CFAP161: variants seen among roughly 807,000 people sequenced by gnomAD.
CFAP161 encodes the protein cilia and flagella associated protein 161.
In CFAP161, 25 loss-of-function variants were observed where a neutral mutation model predicts 29.0. The ratio of observed to expected loss-of-function variants is 0.86; its 90% CI spans 0.63 to 1.20. The LOEUF (loss-of-function observed/expected upper bound fraction) is 1.20. Ranked by LOEUF, CFAP161 falls within the 50% of genes most tolerant of loss-of-function variation. The probability of loss-of-function intolerance (pLI) is 0.00; values close to 1 mark genes in which losing one functional copy is unlikely to be tolerated. For synonymous variants in CFAP161, 116 were observed against 137.4 expected, an observed-to-expected ratio of 0.84 and a Z score of 1.09; for missense variants, 367 against 371.9, an observed-to-expected ratio of 0.99 and a Z score of 0.11.
chr15:81,143,878 T>G, intron 5 of CFAP161, 58 bp downstream of exon 5: 1 of 1,564,550 alleles, frequency 6.4e-7, no homozygotes, highest in Non-Finnish European at 8.7e-7. Context: ...TGCAATTTAT[T>G]CCTGTCTATA....
chr15:81,104,228 C>A (rs1894335644), intron 1 of CFAP161, among the ~76,000 whole-genome samples: 1 of 152,202 alleles, frequency 6.6e-6, no homozygotes, highest in South Asian at 2.1e-4. Flanking sequence ...TAGAATTCAG[C>A]ATGGAAAACA....
chr15:81,129,425 C>T (rs1183207655), upstream of CFAP161, among the ~76,000 whole-genome samples: 1 of 152,118 alleles, frequency 6.6e-6, no homozygotes, highest in Non-Finnish European at 1.5e-5. Context: ...GTGAAAGGCA[C>T]ATCTCACATG....
At chr15:81,139,322 TAAAAAG>T (rs1894865820) in intron 4 of CFAP161, among the ~76,000 whole-genome samples, 1 of 151,646 alleles carries the variant, frequency 6.6e-6, no homozygotes, top group Non-Finnish European at 1.5e-5. Context: ...AAATAAAAAA[TAAAAAG>T]AAGAAGAAAC....
intron 2 of CFAP161, among the ~76,000 whole-genome samples, chr15:81,128,417 A>G (rs1435849087): frequency 1.3e-5 from 2 of 152,226 alleles, no homozygotes; most frequent in Admixed American, 6.5e-5. Flanking sequence ...TATCTTCACC[A>G]GGAGTAGATT....
intron 5 of CFAP161, among the ~76,000 whole-genome samples, chr15:81,145,800 A>C (rs1407067488): frequency 6.6e-6 from 1 of 152,230 alleles, no homozygotes; most frequent in Non-Finnish European, 1.5e-5. Flanking sequence ...ACCATGGGGA[A>C]GCATGAAAGA....
At chr15:81,131,971 C>A (rs939832234), upstream of CFAP161, among the ~76,000 whole-genome samples, 2 of 152,136 alleles carry the variant, frequency 1.3e-5, no homozygotes, top group African/African-American at 4.8e-5. Context: ...TAGCTGATTT[C>A]TCATCAGAAA....
chr15:81,120,869 A>G (rs968639006), intron 1 of CFAP161, among the ~76,000 whole-genome samples: 2 of 152,222 alleles, frequency 1.3e-5, no homozygotes, highest in Admixed American at 6.5e-5. Flanking sequence ...AGATAAACTA[A>G]TTAGATATCT....
At chr15:81,125,380 A>T (rs1160717866) in intron 1 of CFAP161, among the ~76,000 whole-genome samples, 2 of 152,284 alleles carry the variant, frequency 1.3e-5, no homozygotes, top group Non-Finnish European at 1.5e-5. Flanking sequence ...AACTGACAAT[A>T]TTAAAGTCTT....
upstream of CFAP161, chr15:81,134,129 A>G (rs1037201212): frequency 8.7e-6 from 5 of 571,864 alleles, no homozygotes; most frequent in African/African-American, 5.7e-5. Flanking sequence ...AAGAGGTGGA[A>G]GTGGGGCGGG....
At chr15:81,100,603 T>G (rs1894291804) in intron 1 of CFAP161, among the ~76,000 whole-genome samples, 1 of 152,140 alleles carries the variant, frequency 6.6e-6, no homozygotes, top group African/African-American at 2.4e-5. Context: ...TCCTTTATCC[T>G]TGAAATAAAA....
In CFAP161 at chr15:81,136,727, G is replaced by A; in HGVS notation, c.371G>A (p.Arg124Lys). The A allele has an allele frequency of 6.2e-7, 1 of 1,613,686 alleles. No individual in the cohort carries two copies. Among genetic ancestry groups the A allele is most frequent in the Non-Finnish European group, 8.5e-7 (1 of 1,179,672 alleles). ...GTTCAAGCCAAGACCCCAATTGGCA[G>A]AAACACTTTTATCATTTTGAGGTAA... Reference protein sequence around the residue: ...SAVQAKTPIGRNTFIILSVHR... With the variant: ...SAVQAKTPIGKNTFIILSVHR... Residue 124 changes from arginine to lysine, a missense_variant, in exon 3 of 7, where the codon AGA becomes AAA. By Grantham distance (26) the Arg-to-Lys change is conservative (BLOSUM62 2). Coordinates refer to ENST00000286732, the MANE Select transcript of CFAP161 (RefSeq NM_173528.4).
chr15:81,129,949 T>G (rs1176087858), upstream of CFAP161, among the ~76,000 whole-genome samples: 2 of 151,586 alleles, frequency 1.3e-5, no homozygotes, highest in African/African-American at 4.9e-5. Flanking sequence ...GTAAGGCTTT[T>G]TTTTTTTTTT....
At chr15:81,107,580 C>A (rs1000417581) in intron 1 of CFAP161, among the ~76,000 whole-genome samples, 3 of 152,086 alleles carry the variant, frequency 2.0e-5, no homozygotes, top group Non-Finnish European at 4.4e-5. Context: ...ACAAAATTAG[C>A]CAGGTGTAGT....
At chr15:81,145,120 G>C (rs1894985556) in intron 5 of CFAP161, among the ~76,000 whole-genome samples, 2 of 152,212 alleles carry the variant, frequency 1.3e-5, no homozygotes, top group African/African-American at 4.8e-5. Flanking sequence ...GGGTTCGCTT[G>C]CTACTGGCCA....
chr15:81,143,232 G>C (rs1253159177), intron 4 of CFAP161, among the ~76,000 whole-genome samples: 1 of 152,156 alleles, frequency 6.6e-6, no homozygotes, highest in African/African-American at 2.4e-5. Flanking sequence ...AGGATCACTT[G>C]AGCCCAGGAG....
chr15:81,105,525 C>A (rs924904177), intron 1 of CFAP161, among the ~76,000 whole-genome samples: 4 of 151,808 alleles, frequency 2.6e-5, no homozygotes, highest in African/African-American at 9.7e-5. Context: ...TCAAGCAATT[C>A]TCCCACCTCA....
chr15:81,141,709 G>C (rs549840540), intron 4 of CFAP161, among the ~76,000 whole-genome samples: 8 of 150,728 alleles, frequency 5.3e-5, no homozygotes, highest in African/African-American at 2.0e-4. Flanking sequence ...TTTTAAGTTG[G>C]TGTCTCACTC....
At chr15:81,114,815 C>T (rs1426464478) in intron 1 of CFAP161, among the ~76,000 whole-genome samples, 4 of 152,156 alleles carry the variant, frequency 2.6e-5, no homozygotes, top group African/African-American at 7.2e-5. Flanking sequence ...AGGCACCCAC[C>T]ACCACGCCCA....
rs1035002507 is a variant in CFAP161 at position 81,115,902 on chromosome 15, G to A, written c.-141-11688G>A. Among the ~76,000 whole-genome samples, 132 of 148,978 alleles carry A rather than the reference G, an allele frequency of 8.9e-4. 1 individual carries two copies. The highest frequency in any genetic ancestry group is 3.3e-3 in the African/African-American group (130 of 39,988). On this transcript the variant is annotated intron_variant, in intron 1 of 4. Transcript: ENST00000560091. ...AGGGTTTCACTATGTTGCCCAGGCT[G>A]ATTGCGAGCTCCTGGGCTCAAGCAA...
Sources: gnomAD v4.1 joint callset for allele counts (sites outside exome capture counted in the v4.1 genomes callset) on GRCh38, gnomAD v4.1.1 for gene constraint, MANE v1.5 for transcripts, NCBI Gene and HGNC (gene_info 2026-07-23, HGNC 2026-07-21) for gene names.